The following ZCCHC8 variants were observed in gnomAD, a reference collection of about 807,000 sequenced individuals.
ZCCHC8 encodes zinc finger CCHC domain-containing protein 8.
A neutral mutation model predicts 70.6 loss-of-function variants in ZCCHC8; 27 were observed. That is an observed-to-expected ratio of 0.38 (90% CI 0.28 to 0.53). The LOEUF is 0.53. Among genes scored for constraint, ZCCHC8 ranks in the 20% least tolerant of loss-of-function variants. The probability of loss-of-function intolerance (pLI) is 0.81; values close to 1 mark genes in which losing one functional copy is unlikely to be tolerated. For missense variants in ZCCHC8, 737 were observed against 876.9 expected, an observed-to-expected ratio of 0.84 and a Z score of 2.01; for synonymous variants, 293 against 317.4, an observed-to-expected ratio of 0.92 and a Z score of 0.82.
chr12:122,499,927 T>C (rs1167148121), intron 1 of ZCCHC8: 1 of 152,026 alleles, frequency 6.6e-6, no homozygotes, highest in Non-Finnish European at 1.5e-5. Flanking sequence ...CGAACCAAAG[T>C]TATCTATCTA....
At chr12:122,492,301 A>T (rs1340953413) in intron 3 of ZCCHC8, 1 of 172,294 alleles carries the variant, frequency 5.8e-6, no homozygotes, top group Non-Finnish European at 1.2e-5. Context: ...GATGGCCAAC[A>T]TGGAAAACTC....
At chr12:122,490,322 C>T (rs1022992427) in intron 4 of ZCCHC8, 140 bp downstream of exon 4, 5 of 677,378 alleles carry the variant, frequency 7.4e-6, no homozygotes, top group African/African-American at 3.6e-5. Flanking sequence ...AGTCAGGCTT[C>T]GGAAAAGCAA....
chr12:122,478,708 A>G (rs1386747297), intron 11 of ZCCHC8, among the ~76,000 whole-genome samples: 1 of 151,958 alleles, frequency 6.6e-6, no homozygotes, highest in African/African-American at 2.4e-5. Context: ...CAAATACAGC[A>G]TCATCTTTAA....
rs1277889477 is a variant in ZCCHC8 at position 122,478,265 on chromosome 12, T to C, written c.1168A>G (p.Met390Val). 1.2e-6 allele frequency: 2 copies of C among 1,601,514 alleles called. No homozygotes were observed. The highest frequency in any genetic ancestry group is 1.3e-5 in the African/African-American group (1 of 74,718). ...DEWRIFGSIP[M>V]QACQQKDVFA... ...ACATCCTTCTGCTGACATGCCTGCATTGGTATGGAACCAAAGATCCTCCAT... is the reference window on the plus strand; with the variant it reads ...ACATCCTTCTGCTGACATGCCTGCACTGGTATGGAACCAAAGATCCTCCAT... The change falls in exon 12 of 14, where the codon ATG becomes GTG. Residue 390 changes from methionine to valine, a missense_variant. Met to Val is a conservative substitution (Grantham distance 21). Transcript: ENST00000633063.
At chr12:122,478,487 G>A in intron 11 of ZCCHC8, 195 bp from the exon 12 acceptor site, 1 of 543,718 alleles carries the variant, frequency 1.8e-6, no homozygotes, top group Non-Finnish European at 3.3e-6. Flanking sequence ...AATTAAGACT[G>A]AATACTAAAA....
At chr12:122,482,924 T>G (rs1465492322) in intron 7 of ZCCHC8, 1 of 528,528 alleles carries the variant, frequency 1.9e-6, no homozygotes, top group Non-Finnish European at 3.3e-6. Flanking sequence ...ACTGATCTGT[T>G]ACCTCTTTTG....
intron 13 of ZCCHC8, among the ~76,000 whole-genome samples, chr12:122,475,290 C>T (rs1005958245): frequency 3.9e-5 from 6 of 152,272 alleles, no homozygotes; most frequent in African/African-American, 1.2e-4. Context: ...AGTGATCCGC[C>T]CACCTCGGCC....
chr12:122,489,579 G>C, intron 4 of ZCCHC8, 116 bp from the exon 5 acceptor site: 1 of 899,954 alleles, frequency 1.1e-6, no homozygotes, highest in Admixed American at 2.1e-5. Flanking sequence ...TTTCATGTGG[G>C]AGAATGGAAG....
intron 8 of ZCCHC8, chr12:122,482,297 T>C (rs1957551735): frequency 2.1e-6 from 1 of 478,072 alleles, no homozygotes; most frequent in Non-Finnish European, 3.5e-6. Context: ...TTAAATCAAG[T>C]TTTTAGGATA....
chr12:122,474,652 G>C (rs1227334448), intron 13 of ZCCHC8, among the ~76,000 whole-genome samples: 1 of 152,124 alleles, frequency 6.6e-6, no homozygotes, highest in Non-Finnish European at 1.5e-5. Context: ...TGGAGGTGCA[G>C]GCTGGTTACT....
At position 122,474,150 on chromosome 12, in the gene ZCCHC8, C is replaced by T. The variant is rs1957369940; in HGVS notation, c.1471G>A (p.Gly491Ser). 6.6e-7 allele frequency: 1 copy of T among 1,509,032 alleles called. No individual in the cohort carries two copies. Among genetic ancestry groups the T allele is most frequent in the African/African-American group, 1.4e-5 (1 of 71,154 alleles). 93.5% of individuals were successfully genotyped at this position (1,509,032 alleles called of 1,614,324 possible). ...TCACTGGGAGTCAGCGGCGGGGTGC[C>T]CTTTGGGAGTGGAGGGGTGAAGACG... ...PPVFTPPLPK[G>S]TPPLTPSDSP... Residue 491 changes from glycine (G) to serine (S), a missense_variant, in exon 14 of 14, where the codon GGC (glycine) becomes AGC (serine). Physicochemically the swap from Gly to Ser is moderately conservative, Grantham distance 56. Transcript: ENST00000633063.
intron 3 of ZCCHC8, among the ~76,000 whole-genome samples, chr12:122,491,584 T>A (rs1219613435): frequency 3.5e-5 from 5 of 142,964 alleles, no homozygotes; most frequent in Non-Finnish European, 6.0e-5. Context: ...ATCCCAGCAC[T>A]TTGGGAGGCC....
chr12:122,498,787 A>C (rs1427446367), intron 2 of ZCCHC8, 40 bp downstream of exon 2: 1 of 1,587,986 alleles, frequency 6.3e-7, no homozygotes, highest in African/African-American at 1.3e-5. Context: ...CAGGATAAAT[A>C]ATAAGGGACA....
rs372566097 is a variant in ZCCHC8 at position 122,500,766 on chromosome 12, C to T, written c.75G>A (p.Lys25=). 1.3e-4 allele frequency: 211 copies of T among 1,590,292 alleles called. No homozygotes were observed. Among genetic ancestry groups the T allele is most frequent in the Admixed American group, 2.5e-4 (14 of 56,440 alleles). Residue 25 remains lysine, a synonymous_variant, in exon 1 of 14, where the codon AAG becomes AAA. Coordinates refer to ENST00000633063, the MANE Select transcript of ZCCHC8 (RefSeq NM_017612.5). This position sits in a 1 kb window ranked among gnomAD's most constrained non-coding sequence, Gnocchi z 4.8. The part of the protein sequence containing the change: ...PFDHPEESIP[K]PVHTRFKDDD... Reference sequence around the variant, plus strand: ...CGTCCTTGAAGCGAGTGTGAACGGGCTTCGGAATCGACTCCTCTGGGTGGT... The same window carrying T: ...CGTCCTTGAAGCGAGTGTGAACGGGTTTCGGAATCGACTCCTCTGGGTGGT...
Position 122,500,419 on chromosome 12 carries a change from G to C in ZCCHC8, c.199+223C>G. On this transcript the variant is annotated intron_variant, in intron 1 of 13. Coordinates refer to ENST00000633063, the MANE Select transcript of ZCCHC8 (RefSeq NM_017612.5). This position sits in a 1 kb window ranked among gnomAD's most constrained non-coding sequence, Gnocchi z 4.8. Reference sequence around the variant, plus strand: ...GGGAGGCAGGAGTGGGTCTGGTCAGGAGACGGCCTCCCTGAGGGGAAGAGG... The same window carrying C: ...GGGAGGCAGGAGTGGGTCTGGTCAGCAGACGGCCTCCCTGAGGGGAAGAGG... 3.3e-6 allele frequency: 2 copies of C among 607,136 alleles called. No individual in the cohort carries two copies. The highest frequency in any genetic ancestry group is 2.0e-5 in the South Asian group (1 of 48,826). 37.6% of individuals were successfully genotyped at this position (607,136 alleles called of 1,614,324 possible).
At position 122,477,886 on chromosome 12, in the gene ZCCHC8, C is replaced by CATT. The variant is rs1164754268; in HGVS notation, c.1297_1299dup (p.Asn433dup). On this transcript the variant is annotated inframe_insertion, in exon 13 of 14. Coordinates refer to ENST00000633063, the MANE Select transcript of ZCCHC8 (RefSeq NM_017612.5). ...GCGGGAGATCCCGCTGAGTTGCTTT[C>CATT]ATTCTTCTGCTTCTTTGGACTACCT... 6.2e-7 allele frequency: 1 copy of CATT among 1,613,120 alleles called. No homozygotes were observed. Among genetic ancestry groups the CATT allele is most frequent in the Non-Finnish European group, 8.5e-7 (1 of 1,179,574 alleles).
At chr12:122,488,870 C>CA (rs532083781) in intron 5 of ZCCHC8, among the ~76,000 whole-genome samples, 6,354 of 92,742 alleles carry the variant, frequency 0.069, 422 homozygotes, top group African/African-American at 0.22. Context: ...GACTCCGTTT[C>CA]AAAAAAAAAA....
rs1467343302 is a variant in ZCCHC8, at chr12:122,473,096, GA to G, written c.*400del. 1.9e-5 allele frequency: 3 copies of G among 159,666 alleles called. No homozygotes were observed. The highest frequency in any genetic ancestry group is 7.2e-5 in the African/African-American group (3 of 41,608). The allele number at this position is 159,666 out of a possible 1,614,324, so 9.9% of individuals were successfully genotyped here. On this transcript the variant is annotated 3_prime_UTR_variant, in exon 14 of 14. Transcript: ENST00000633063. ...CATTTGGTTGTAGGAGTTGAAACAT[GA>G]ATTTAAAATGGTAGAATTTTTTCTT... is the stretch of plus-strand genomic sequence containing the variant.
chr12:122,500,868 A>G lies in ZCCHC8; in HGVS notation c.-28T>C, dbSNP rs759109213. 2.1e-5 allele frequency: 32 copies of G among 1,551,946 alleles called. No homozygotes were observed. The highest frequency in any genetic ancestry group is 2.8e-5 in the Non-Finnish European group (32 of 1,147,648). ...TGGGCTGTGGAAAAGATTCGAGAAG[A>G]GGCGGAGCCGGCCACCAGGGCTTGG... On this transcript the variant is annotated 5_prime_UTR_variant, in exon 1 of 14. Transcript: ENST00000633063. This position sits in a 1 kb window ranked among gnomAD's most constrained non-coding sequence, Gnocchi z 4.8.
Sources: allele counts gnomAD v4.1 joint callset (sites outside exome capture counted in the v4.1 genomes callset), GRCh38; gene constraint gnomAD v4.1.1; non-coding constraint Gnocchi (gnomAD v3.1); transcripts MANE v1.5; gene names NCBI Gene and HGNC (gene_info 2026-07-23, HGNC 2026-07-21).